The following TCF12 variants were observed in gnomAD, a reference collection of about 807,000 sequenced individuals.
TCF12 encodes transcription factor 12.
A neutral mutation model predicts 86.0 loss-of-function variants in TCF12; 45 were observed. The ratio of observed to expected loss-of-function variants is 0.52; its 90% CI spans 0.41 to 0.67. The LOEUF is 0.67. Ranked by LOEUF, TCF12 falls within the 30% of genes least tolerant of loss-of-function variation. The probability of loss-of-function intolerance (pLI) is 0.00; values close to 1 mark genes in which losing one functional copy is unlikely to be tolerated. For synonymous variants in TCF12, 330 were observed against 299.6 expected (o/e 1.10, Z -1.05); for missense variants, 881 against 859.9 (o/e 1.02, Z -0.31).
chr15:57,212,824 T>C (rs747482922), intron 8 of TCF12, among the ~76,000 whole-genome samples: 9 of 152,156 alleles, frequency 5.9e-5, no homozygotes, highest in Admixed American at 1.3e-4. Context: ...CTCTCTTGCC[T>C]CCTGAGAGGC....
Position 57,231,053 on chromosome 15 carries a change from A to T in TCF12, c.580-99A>T. On this transcript the variant is annotated intron_variant, in intron 8 of 20. Coordinates refer to ENST00000333725, the MANE Select transcript of TCF12 (RefSeq NM_207037.2). ...TGTGGTAGCCCTTTATAAAAATTAG[A>T]TAGGCCTTTTTAAGCCCCTTACAGA... 1.0e-5 allele frequency: 8 copies of T among 801,222 alleles called. No individual in the cohort carries two copies. In the Admixed American group the frequency reaches 1.6e-4, roughly 16 times the overall value. 49.6% of individuals were successfully genotyped at this position (801,222 alleles called of 1,614,324 possible). A position where few individuals can be genotyped will look rare whatever the true frequency, so the allele number is the denominator to read the frequency against.
chr15:56,934,361 T>A (rs113665934), intron 3 of TCF12, among the ~76,000 whole-genome samples: 1 of 152,210 alleles, frequency 6.6e-6, no homozygotes, highest in South Asian at 2.1e-4. Flanking sequence ...AAAGTTCAGA[T>A]ACACTTTTAT....
intron 5 of TCF12, among the ~76,000 whole-genome samples, chr15:57,128,970 A>G (rs141923030): frequency 2.0e-5 from 3 of 152,292 alleles, no homozygotes; most frequent in East Asian, 1.9e-4. Flanking sequence ...CTCTTTGGCT[A>G]TTATGAATAA....
intron 3 of TCF12, among the ~76,000 whole-genome samples, chr15:56,926,716 G>A (rs1287216378): frequency 2.0e-5 from 3 of 152,168 alleles, no homozygotes; most frequent in Non-Finnish European, 4.4e-5. Flanking sequence ...CTGGACTACA[G>A]GTGTTCAGAT....
intron 3 of TCF12, among the ~76,000 whole-genome samples, chr15:57,028,842 A>G: frequency 6.6e-6 from 1 of 151,800 alleles, no homozygotes. Flanking sequence ...TGTGTCGCCC[A>G]GGCTGAGGTG....
chr15:56,941,291 A>T (rs1244274802), intron 3 of TCF12, among the ~76,000 whole-genome samples: 1 of 151,968 alleles, frequency 6.6e-6, no homozygotes, highest in Admixed American at 6.5e-5. Flanking sequence ...ACCTGAGGCC[A>T]GGAAAATCAA....
At chr15:56,968,019 G>C (rs763567496) in intron 3 of TCF12, among the ~76,000 whole-genome samples, 2 of 151,882 alleles carry the variant, frequency 1.3e-5, no homozygotes, top group Non-Finnish European at 2.9e-5. Flanking sequence ...GCAGTGGTGC[G>C]ATCTTGGCTT....
At chr15:56,948,895 A>G (rs1215354828) in intron 3 of TCF12, among the ~76,000 whole-genome samples, 1 of 152,258 alleles carries the variant, frequency 6.6e-6, no homozygotes, top group African/African-American at 2.4e-5. Flanking sequence ...CAGAGAAATT[A>G]TAGCCTAGAA....
chr15:57,204,852 A>G (rs1238486290), intron 8 of TCF12, among the ~76,000 whole-genome samples: 1 of 152,142 alleles, frequency 6.6e-6, no homozygotes, highest in Non-Finnish European at 1.5e-5. Context: ...AGAGCTTGCT[A>G]GCCATCTGAA....
At chr15:56,977,986 C>G (rs192864002) in intron 3 of TCF12, among the ~76,000 whole-genome samples, 9 of 151,934 alleles carry the variant, frequency 5.9e-5, no homozygotes, top group African/African-American at 2.2e-4. Flanking sequence ...CTTTGACAAC[C>G]GCTGCACAAT....
At chr15:57,219,469 T>C in intron 8 of TCF12, 3 of 1,588,974 alleles carry the variant, frequency 1.9e-6, no homozygotes, top group Non-Finnish European at 2.6e-6. Flanking sequence ...GATATATGTC[T>C]TGGAGAGAGG....
intron 3 of TCF12, among the ~76,000 whole-genome samples, chr15:56,934,054 G>T (rs181202476): frequency 4.6e-5 from 7 of 152,088 alleles, no homozygotes; most frequent in African/African-American, 1.4e-4. Context: ...TTAAATGGGG[G>T]AAATTGAAGC....
intron 3 of TCF12, among the ~76,000 whole-genome samples, chr15:57,029,566 G>A (rs1021425478): frequency 3.3e-5 from 5 of 152,218 alleles, no homozygotes; most frequent in East Asian, 1.9e-4. Flanking sequence ...TTGTTCAGTT[G>A]TGTTGTTTTT....
chr15:56,992,840 T>C (rs1347263966), intron 3 of TCF12, among the ~76,000 whole-genome samples: 1 of 152,218 alleles, frequency 6.6e-6, no homozygotes, highest in Non-Finnish European at 1.5e-5. Context: ...TTACCGATTA[T>C]CTTTTTATAA....
At chr15:57,021,006 A>G (rs2065446257) in intron 3 of TCF12, among the ~76,000 whole-genome samples, 1 of 152,156 alleles carries the variant, frequency 6.6e-6, no homozygotes, top group African/African-American at 2.4e-5. Context: ...TGTATGTTAT[A>G]CTAATTTCAT....
At position 56,920,028 on chromosome 15, in the gene TCF12, GTTTTTGTT is replaced by G. The variant is rs746606913; in HGVS notation, c.75+42_75+49del. 13 of 1,607,520 alleles carry G rather than the reference GTTTTTGTT, an allele frequency of 8.1e-6. No individual in the cohort carries two copies. In the Admixed American group the frequency reaches 1.5e-4, roughly 19 times the overall value. On this transcript the variant is annotated intron_variant, in intron 2 of 20. Transcript: ENST00000333725. ...CATGGCATCTTGGGGTTCTGCTGAG[GTTTTTGTT>G]TGTTTGTTTGTTTGTTTCTTTTAAA...
At chr15:56,930,703 G>C (rs754461917) in intron 3 of TCF12, among the ~76,000 whole-genome samples, 1 of 144,240 alleles carries the variant, frequency 6.9e-6, no homozygotes, top group Non-Finnish European at 1.5e-5. Context: ...GTATCAGCTA[G>C]TTTTTTTTTT....
At chr15:57,140,139 G>A (rs376894049) in intron 5 of TCF12, among the ~76,000 whole-genome samples, 2 of 152,144 alleles carry the variant, frequency 1.3e-5, no homozygotes, top group East Asian at 3.8e-4. Context: ...GTTAACCAAA[G>A]GATGGAAGTA....
chr15:57,265,488 C>T (rs576391609), intron 18 of TCF12, among the ~76,000 whole-genome samples: 5 of 152,148 alleles, frequency 3.3e-5, no homozygotes, highest in South Asian at 4.2e-4. Context: ...CAGCCTCCCC[C>T]GACCCTGAAC....
Sources: gnomAD v4.1 joint callset for allele counts (sites outside exome capture counted in the v4.1 genomes callset) on GRCh38, gnomAD v4.1.1 for gene constraint, MANE v1.5 for transcripts, NCBI Gene and HGNC (gene_info 2026-07-23, HGNC 2026-07-21) for gene names.